The following WDR31 variants were observed in gnomAD, a reference collection of about 807,000 sequenced individuals.
WDR31 encodes the protein WD repeat-containing protein 31.
A neutral mutation model predicts 47.3 loss-of-function variants in WDR31; 30 were observed. The ratio of observed to expected loss-of-function variants is 0.63; its 90% confidence interval spans 0.47 to 0.86. The LOEUF (loss-of-function observed/expected upper bound fraction) is 0.86. WDR31 is among the 40% of genes least tolerant of loss of function. WDR31 has a pLI of 0.00. For synonymous variants in WDR31, 137 were observed against 159.4 expected (o/e 0.86, Z 1.06); for missense variants, 406 against 442.9 (o/e 0.92, Z 0.75).
At position 113,315,151 on chromosome 9, in the gene WDR31, G is replaced by C. The variant is rs1309031209; in HGVS notation, c.*1598C>G. ...ACCTGTAATCTCAACACTTAAGGAG[G>C]CCGAGGCAGATGGATCACTTGAGCC... On this transcript the variant is annotated 3_prime_UTR_variant, in exon 11 of 11. Transcript: ENST00000374193. The C allele has an allele frequency of 2.0e-5, 3 of 152,026 alleles. No homozygotes were observed. In the East Asian group the frequency reaches 5.9e-4, roughly 30 times the overall value. The allele number at this position is 152,026 out of a possible 1,614,324, so 9.4% of individuals were successfully genotyped here.
At chr9:113,330,396 C>T (rs546544337) in intron 4 of WDR31, among the ~76,000 whole-genome samples, 46 of 152,254 alleles carry the variant, frequency 3.0e-4, no homozygotes, top group African/African-American at 1.0e-3. Flanking sequence ...CCACCACACC[C>T]GGCCCATTAT....
intron 2 of WDR31, among the ~76,000 whole-genome samples, chr9:113,332,948 G>C (rs762269319): frequency 3.3e-5 from 5 of 152,150 alleles, no homozygotes; most frequent in Admixed American, 3.3e-4. Flanking sequence ...TCTTGCCAAG[G>C]GATGCCTGCT....
chr9:113,325,526 T>C (rs897939640), intron 5 of WDR31, among the ~76,000 whole-genome samples: 8 of 152,006 alleles, frequency 5.3e-5, no homozygotes. Flanking sequence ...GTTCTTCTCA[T>C]GATACCTCTG....
chr9:113,316,691 C>T lies in WDR31; in HGVS notation c.*58G>A, dbSNP rs1833209926. On this transcript the variant is annotated 3_prime_UTR_variant, in exon 11 of 11. Coordinates refer to ENST00000374193, the MANE Select transcript of WDR31 (RefSeq NM_001012361.4). ...CCCCTCAAGATAACTGGGAAAGACA[C>T]AAAGCCATGCTGAGGAGGAGCCATG... is the stretch of plus-strand genomic sequence containing the variant. 2 of 1,560,974 alleles carry T rather than the reference C, an allele frequency of 1.3e-6. No homozygotes were observed. The highest frequency in any genetic ancestry group is 4.5e-5 in the East Asian group (2 of 44,432).
At chr9:113,337,034 A>G (rs1047211199) in intron 1 of WDR31, among the ~76,000 whole-genome samples, 1 of 152,256 alleles carries the variant, frequency 6.6e-6, no homozygotes, top group African/African-American at 2.4e-5. Context: ...TAAGAATTCA[A>G]TTAAATTCTA....
At chr9:113,321,490 A>G in intron 8 of WDR31, 21 bp downstream of exon 8, 1 of 1,612,958 alleles carries the variant, frequency 6.2e-7, no homozygotes, top group Non-Finnish European at 8.5e-7. Context: ...AAACACTTTC[A>G]CAGCTGCTCA....
In WDR31 at chr9:113,328,432, A is replaced by G. The variant is rs552644431; in HGVS notation, c.324+449T>C. ...GGCATTCTCTATCATTTTTGCTGGA[A>G]GCTCACTCTGGTCTGTAATGCTATC... is the stretch of plus-strand genomic sequence containing the variant. On this transcript the variant is annotated intron_variant, in intron 5 of 10. Coordinates refer to ENST00000374193, the MANE Select transcript of WDR31 (RefSeq NM_001012361.4). Among the ~76,000 whole-genome samples, 4 of 152,212 alleles carry G rather than the reference A, an allele frequency of 2.6e-5. No individual in the cohort carries two copies. In the South Asian group the frequency reaches 8.3e-4, roughly 31 times the overall value.
rs1006316142 is a variant in WDR31, at chr9:113,340,245, C to G, written c.-210G>C. 5.9e-5 allele frequency: 9 copies of G among 152,268 alleles called. No homozygotes were observed. The highest frequency in any genetic ancestry group is 4.6e-4 in the Admixed American group (7 of 15,276). The allele number at this position is 152,268 out of a possible 1,614,324, so 9.4% of individuals were successfully genotyped here. ...TGGGCTGCGGGGCTGGAGCTGGGGC[C>G]GGCGGGAACGCGGAGCCTGGGGGTG... On this transcript the variant is annotated 5_prime_UTR_variant, in exon 1 of 11. Coordinates refer to ENST00000374193, the MANE Select transcript of WDR31 (RefSeq NM_001012361.4).
At chr9:113,331,648 T>C (rs1414532622) in intron 3 of WDR31, among the ~76,000 whole-genome samples, 1 of 152,174 alleles carries the variant, frequency 6.6e-6, no homozygotes, top group African/African-American at 2.4e-5. Context: ...GGTTTCGCCA[T>C]GTTGCCAAGG....
chr9:113,318,611 G>A lies in WDR31; in HGVS notation c.807C>T (p.Asn269=), dbSNP rs1564295190. The change falls in exon 10 of 11, where the codon AAC becomes AAT. Residue 269 remains asparagine (N), a synonymous_variant. Coordinates refer to ENST00000374193, the MANE Select transcript of WDR31 (RefSeq NM_001012361.4). The part of the protein sequence containing the change: ...ATLWDLRQTR[N]RICEYKGHFQ... ...AATGCCCCTTATACTCACATATTCT[G>A]TTTCGAGTCTGTCTTAGGTCCCACA... 2 of 1,614,020 alleles carry A rather than the reference G, an allele frequency of 1.2e-6. No homozygotes were observed. Among genetic ancestry groups the A allele is most frequent in the African/African-American group, 2.7e-5 (2 of 74,922 alleles).
Position 113,316,666 on chromosome 9 carries a change from C to A in WDR31, c.*83G>T. On this transcript the variant is annotated 3_prime_UTR_variant, in exon 11 of 11. Coordinates refer to ENST00000374193, the MANE Select transcript of WDR31 (RefSeq NM_001012361.4). Reference sequence around the variant, plus strand: ...AAGAATACCAGCCCTACATCCCACTCCCCTCAAGATAACTGGGAAAGACAC... The same window carrying A: ...AAGAATACCAGCCCTACATCCCACTACCCTCAAGATAACTGGGAAAGACAC... The A allele has an allele frequency of 2.0e-6, 3 of 1,494,620 alleles. No individual in the cohort carries two copies. The highest frequency in any genetic ancestry group is 2.6e-5 in the South Asian group (2 of 77,110). The allele number at this position is 1,494,620 out of a possible 1,614,324, so 92.6% of individuals were successfully genotyped here.
chr9:113,327,504 T>C (rs1402676389), intron 5 of WDR31, among the ~76,000 whole-genome samples: 1 of 152,204 alleles, frequency 6.6e-6, no homozygotes, highest in Non-Finnish European at 1.5e-5. Context: ...TCTCACTTTC[T>C]TTCCTTTTAG....
At chr9:113,317,578 TG>T (rs2118766721) in intron 10 of WDR31, among the ~76,000 whole-genome samples, 1 of 152,334 alleles carries the variant, frequency 6.6e-6, no homozygotes, top group East Asian at 1.9e-4. Context: ...GTCCTTACTA[TG>T]GAAGTTTGGC....
chr9:113,320,108 C>A (rs1323226917), intron 9 of WDR31, among the ~76,000 whole-genome samples: 1 of 152,204 alleles, frequency 6.6e-6, no homozygotes, highest in South Asian at 2.1e-4. Flanking sequence ...TTTATAGAGA[C>A]AGGGTCTTGC....
At chr9:113,317,638 C>G (rs996333167) in intron 10 of WDR31, among the ~76,000 whole-genome samples, 12 of 152,254 alleles carry the variant, frequency 7.9e-5, no homozygotes, top group Admixed American at 1.3e-4. Flanking sequence ...GGTCCTGCCT[C>G]TATTCTCTGA....
intron 5 of WDR31, among the ~76,000 whole-genome samples, chr9:113,327,103 C>T (rs1262400379): frequency 6.6e-6 from 1 of 152,142 alleles, no homozygotes; most frequent in African/African-American, 2.4e-5. Flanking sequence ...GCCAAAGTGC[C>T]AGCATTACAG....
chr9:113,329,333 T>G (rs1331467449), intron 4 of WDR31, among the ~76,000 whole-genome samples: 1 of 142,394 alleles, frequency 7.0e-6, no homozygotes, highest in Non-Finnish European at 1.6e-5. Flanking sequence ...GTTGTGGTGT[T>G]TTTTTTTTTT....
chr9:113,322,354 A>C (rs1035653312), intron 7 of WDR31, among the ~76,000 whole-genome samples: 4 of 152,162 alleles, frequency 2.6e-5, no homozygotes, highest in South Asian at 2.1e-4. Flanking sequence ...AATTTATACC[A>C]GTCTGCTACT....
chr9:113,330,852 T>C (rs1254964689), intron 4 of WDR31, 132 bp downstream of exon 4: 1 of 1,053,930 alleles, frequency 9.5e-7, no homozygotes, highest in East Asian at 2.6e-5. Flanking sequence ...AAATCCAGTC[T>C]TTCTAACTCT....
Sources: gnomAD v4.1 joint callset for allele counts (sites outside exome capture counted in the v4.1 genomes callset) on GRCh38, gnomAD v4.1.1 for gene constraint, MANE v1.5 for transcripts, NCBI Gene and HGNC (gene_info 2026-07-23, HGNC 2026-07-21) for gene names.